EXOC6: variants seen among roughly 807,000 people sequenced by gnomAD.
EXOC6 encodes the protein exocyst complex component 6, also known as SEC15-like 1.
A neutral mutation model predicts 112.5 loss-of-function variants in EXOC6; 60 were observed. The observed-to-expected ratio is 0.53, with a 90% CI of 0.43 to 0.66. EXOC6 has a LOEUF of 0.66. Among genes scored for constraint, EXOC6 ranks in the 30% least tolerant of loss-of-function variants. EXOC6 has a pLI of 0.00. For missense variants in EXOC6, 855 were observed against 957.1 expected, an observed-to-expected ratio of 0.89 and a Z score of 1.41; for synonymous variants, 295 against 308.0, an observed-to-expected ratio of 0.96 and a Z score of 0.44.
At chr10:92,893,638 T>C (rs575416565) in intron 2 of EXOC6, 118 bp downstream of exon 2, 21 of 819,728 alleles carry the variant, frequency 2.6e-5, no homozygotes, top group Non-Finnish European at 3.9e-5. Context: ...TGAATTAGTA[T>C]ATGTATTAGG....
At chr10:92,958,758 A>G (rs754242178) in intron 17 of EXOC6, among the ~76,000 whole-genome samples, 1 of 152,166 alleles carries the variant, frequency 6.6e-6, no homozygotes, top group Non-Finnish European at 1.5e-5. Flanking sequence ...AGAAGAACAA[A>G]GTTGGAGGAC....
chr10:92,870,555 A>T (rs1848398467), intron 1 of EXOC6, among the ~76,000 whole-genome samples: 1 of 152,070 alleles, frequency 6.6e-6, no homozygotes, highest in African/African-American at 2.4e-5. Context: ...TTTTTCTTTG[A>T]TATTTATAAG....
intron 6 of EXOC6, among the ~76,000 whole-genome samples, chr10:92,911,685 A>G (rs1184190312): frequency 6.6e-6 from 1 of 152,052 alleles, no homozygotes; most frequent in Non-Finnish European, 1.5e-5. Context: ...TATCATTGCA[A>G]TTTAAACAGA....
chr10:92,831,209 GT>G (rs1846469122), upstream of EXOC6: 1 of 553,830 alleles, frequency 1.8e-6, no homozygotes, highest in Non-Finnish European at 3.1e-6. Flanking sequence ...AGACAGTGGG[GT>G]GGGAGTAGAG....
At chr10:92,831,992 C>T (rs1334180306), upstream of EXOC6, among the ~76,000 whole-genome samples, 1 of 152,172 alleles carries the variant, frequency 6.6e-6, no homozygotes, top group African/African-American at 2.4e-5. Flanking sequence ...ATATTTAGAA[C>T]TGGATCAGTC....
chr10:93,047,976 G>T (rs532973961), intron 20 of EXOC6, among the ~76,000 whole-genome samples: 6 of 152,162 alleles, frequency 3.9e-5, no homozygotes, highest in African/African-American at 1.4e-4. Flanking sequence ...AAAAAATTGT[G>T]AGAGAAAAGA....
chr10:92,854,007 C>CA (rs34153493), intron 1 of EXOC6, among the ~76,000 whole-genome samples: 31,970 of 119,838 alleles, frequency 0.27, 5,093 homozygotes, highest in East Asian at 0.73. Context: ...GTCCCTGTCT[C>CA]AAAAAAAAAA....
intron 1 of EXOC6, among the ~76,000 whole-genome samples, chr10:92,864,713 A>G (rs1848092007): frequency 6.6e-6 from 1 of 152,014 alleles, no homozygotes; most frequent in Non-Finnish European, 1.5e-5. Context: ...AAGCTGAGAC[A>G]TCTGTCTTCT....
chr10:92,899,790 A>G (rs1307922595), intron 5 of EXOC6, 146 bp downstream of exon 5: 2 of 535,446 alleles, frequency 3.7e-6, no homozygotes, highest in East Asian at 6.2e-5. Context: ...GCGCATCAGG[A>G]TAATCCACTA....
chr10:92,984,650 T>G (rs1171616717), intron 18 of EXOC6, among the ~76,000 whole-genome samples: 1 of 152,200 alleles, frequency 6.6e-6, no homozygotes, highest in Admixed American at 6.5e-5. Flanking sequence ...TCTTTGCATA[T>G]TAGAAAATGT....
chr10:92,889,416 G>A (rs993328144), intron 1 of EXOC6, among the ~76,000 whole-genome samples: 2 of 152,072 alleles, frequency 1.3e-5, no homozygotes, highest in East Asian at 1.9e-4. Flanking sequence ...CCTCCCCAGC[G>A]TCAATATCCC....
chr10:92,898,160 T>TTA (rs1849929815), intron 4 of EXOC6, among the ~76,000 whole-genome samples: 1 of 152,000 alleles, frequency 6.6e-6, no homozygotes, highest in Non-Finnish European at 1.5e-5. Context: ...GACTCATGAC[T>TTA]GTAATCCCAG....
At chr10:92,901,493 T>C (rs921183919) in intron 5 of EXOC6, 3 of 151,716 alleles carry the variant, frequency 2.0e-5, no homozygotes, top group Non-Finnish European at 4.4e-5. Context: ...ATTGTCATTA[T>C]TCATTTTGAT....
rs145634543 is a variant in EXOC6, at chr10:92,925,538, G to A, written c.889-2801G>A. 3.6e-3 allele frequency among the ~76,000 whole-genome samples: 549 copies of A among 151,940 alleles called. 3 individuals carry two copies. Among genetic ancestry groups the A allele is most frequent in the African/African-American group, 0.013 (522 of 41,456 alleles). ...TCGAACTCCTGGCCTCAAGTGATCC[G>A]TCCTCCTCGGCCTCCCAAAGTGCTG... On this transcript the variant is annotated intron_variant, in intron 8 of 21. Transcript: ENST00000260762.
intron 1 of EXOC6, among the ~76,000 whole-genome samples, chr10:92,851,136 C>T (rs927402418): frequency 6.6e-6 from 1 of 152,098 alleles, no homozygotes; most frequent in African/African-American, 2.4e-5. Context: ...GCACCAAACA[C>T]CTCTACTAGA....
chr10:92,927,579 C>T (rs556574739), intron 8 of EXOC6, among the ~76,000 whole-genome samples: 1 of 152,198 alleles, frequency 6.6e-6, no homozygotes, highest in South Asian at 2.1e-4. Context: ...TTCAAATGCT[C>T]TATAGCCACA....
chr10:92,966,279 A>AT (rs1842044836), intron 17 of EXOC6, among the ~76,000 whole-genome samples: 4 of 114,230 alleles, frequency 3.5e-5, no homozygotes, highest in East Asian at 3.4e-4. Flanking sequence ...GCATGTAATT[A>AT]TAATTATTAT....
chr10:92,939,189 T>G (rs749012963), intron 12 of EXOC6, among the ~76,000 whole-genome samples: 4 of 152,094 alleles, frequency 2.6e-5, no homozygotes, highest in Admixed American at 6.6e-5. Context: ...CAATCAGATT[T>G]ATATTTTTGA....
At chr10:92,987,556 T>C in intron 18 of EXOC6, 1 of 828,374 alleles carries the variant, frequency 1.2e-6, no homozygotes, top group Non-Finnish European at 1.5e-6. Context: ...CTGATTCTGC[T>C]GTGATTAGAA....
Sources: allele counts gnomAD v4.1 joint callset (sites outside exome capture counted in the v4.1 genomes callset), GRCh38; gene constraint gnomAD v4.1.1; transcripts MANE v1.5; gene names NCBI Gene and HGNC (gene_info 2026-07-23, HGNC 2026-07-21).